PAH: variants seen among roughly 807,000 people sequenced by gnomAD.
PAH encodes phenylalanine-4-hydroxylase.
In PAH, 64 loss-of-function variants were observed where a neutral mutation model predicts 62.0. The observed-to-expected ratio is 1.03, with a 90% CI of 0.84 to 1.27. The LOEUF (loss-of-function observed/expected upper bound fraction) is 1.27, where lower values mean the gene tolerates loss of function less well. Ranked by LOEUF, PAH falls within the 50% of genes most tolerant of loss-of-function variation. PAH has a pLI of 0.00. For synonymous variants in PAH, 195 were observed against 196.2 expected (o/e 0.99, Z 0.05); for missense variants, 579 against 542.8 (o/e 1.07, Z -0.66).
intron 1 of PAH, among the ~76,000 whole-genome samples, chr12:102,945,546 CACAA>C (rs1276398283): frequency 6.6e-6 from 1 of 152,156 alleles, no homozygotes; most frequent in Non-Finnish European, 1.5e-5. Context: ...CTCCCCTTTC[CACAA>C]ACAGAGGGGT....
chr12:102,934,022 A>C (rs1395955921), intron 1 of PAH, among the ~76,000 whole-genome samples: 1 of 152,076 alleles, frequency 6.6e-6, no homozygotes, highest in Non-Finnish European at 1.5e-5. Context: ...TGCCCAGTTC[A>C]ATGTTCTGAA....
chr12:102,917,101 G>C lies in PAH; in HGVS notation c.30C>G (p.Gly10=), dbSNP rs1801145. ...CAAAGTCAGAGAGTTTCCTGCCCAAGCCTGGGTTTTCCAGGACCGCAGTGG... is the reference window on the plus strand; with the variant it reads ...CAAAGTCAGAGAGTTTCCTGCCCAACCCTGGGTTTTCCAGGACCGCAGTGG... The part of the protein sequence containing the change: MSTAVLENP[G]LGRKLSDFGQ... Residue 10 remains glycine (G), a synonymous_variant, in exon 1 of 13, where the codon GGC becomes GGG. Coordinates refer to ENST00000553106, the MANE Select transcript of PAH (RefSeq NM_000277.3). 1.3e-3 allele frequency: 2,022 copies of C among 1,614,200 alleles called. 1 individual carries two copies. The highest frequency in any genetic ancestry group is 1.6e-3 in the Non-Finnish European group (1,858 of 1,180,038).
At chr12:102,909,936 G>A (rs1468754257) in intron 2 of PAH, among the ~76,000 whole-genome samples, 2 of 152,192 alleles carry the variant, frequency 1.3e-5, no homozygotes, top group African/African-American at 4.8e-5. Flanking sequence ...TCCAGCCTGT[G>A]TGACAGAGTA....
intron 2 of PAH, chr12:102,904,789 T>A (rs765545569): frequency 1.2e-5 from 6 of 504,570 alleles, no homozygotes; most frequent in South Asian, 8.7e-5. Context: ...ACAAAGATGT[T>A]GGGAGAGATG....
At chr12:102,845,099 T>C (rs1194125049) in intron 9 of PAH, among the ~76,000 whole-genome samples, 1 of 152,166 alleles carries the variant, frequency 6.6e-6, no homozygotes, top group African/African-American at 2.4e-5. Context: ...CCCAGTGCCA[T>C]GGACAGGATT....
chr12:102,934,795 T>C (rs1879039771), intron 1 of PAH, among the ~76,000 whole-genome samples: 2 of 152,168 alleles, frequency 1.3e-5, no homozygotes, highest in Admixed American at 6.5e-5. Flanking sequence ...TGAATTTGTT[T>C]AGCCAGTTCT....
At chr12:102,845,294 A>C (rs1480041616) in intron 9 of PAH, among the ~76,000 whole-genome samples, 1 of 152,154 alleles carries the variant, frequency 6.6e-6, no homozygotes, top group Non-Finnish European at 1.5e-5. Context: ...TGTTCTCCAT[A>C]TGACAGGAAC....
chr12:102,844,274 C>A (rs559582123), intron 10 of PAH, 62 bp downstream of exon 10: 1 of 1,166,138 alleles, frequency 8.6e-7, no homozygotes. Context: ...ATTGAAAGCA[C>A]AATAATGGTT....
rs1472555960 is a variant in PAH, at chr12:102,837,381, C to T, written c.*1794G>A. 2 of 152,176 alleles carry T rather than the reference C, an allele frequency of 1.3e-5. No individual in the cohort carries two copies. The highest frequency in any genetic ancestry group is 1.3e-4 in the Admixed American group (2 of 15,270). 9.4% of individuals were successfully genotyped at this position (152,176 alleles called of 1,614,324 possible). On this transcript the variant is annotated 3_prime_UTR_variant, in exon 13 of 13. Transcript: ENST00000553106. ...TTATCTAATATTTAAGTTCCAGAGT[C>T]AATAATTAACTTTTCATGTGAAATG... is the stretch of plus-strand genomic sequence containing the variant.
intron 1 of PAH, among the ~76,000 whole-genome samples, chr12:102,922,943 C>T (rs1458184254): frequency 7.2e-5 from 11 of 152,162 alleles, no homozygotes; most frequent in South Asian, 6.2e-4. Context: ...CTCCGTTAAA[C>T]GGTTATGTAT....
intron 2 of PAH, among the ~76,000 whole-genome samples, chr12:102,910,490 C>T (rs1228239534): frequency 1.3e-5 from 2 of 151,844 alleles, no homozygotes; most frequent in Non-Finnish European, 2.9e-5. Flanking sequence ...CCTGCCTTGG[C>T]CTCCCAAATA....
At chr12:102,901,939 T>G (rs1048063831) in intron 2 of PAH, among the ~76,000 whole-genome samples, 3 of 152,198 alleles carry the variant, frequency 2.0e-5, no homozygotes, top group Non-Finnish European at 4.4e-5. Flanking sequence ...GAGCTTTATG[T>G]TCTCAAAGGA....
At chr12:102,868,531 C>T (rs1372956384) in intron 4 of PAH, among the ~76,000 whole-genome samples, 3 of 151,904 alleles carry the variant, frequency 2.0e-5, no homozygotes, top group African/African-American at 7.3e-5. Context: ...TATAACTCTT[C>T]CTTTCCCTAG....
At chr12:102,897,598 T>A (rs577355167) in intron 2 of PAH, among the ~76,000 whole-genome samples, 1 of 152,106 alleles carries the variant, frequency 6.6e-6, no homozygotes, top group African/African-American at 2.4e-5. Flanking sequence ...ATAAATAGTC[T>A]TAGAGTTTTT....
At chr12:102,849,583 A>G (rs968735754) in intron 8 of PAH, among the ~76,000 whole-genome samples, 1 of 152,058 alleles carries the variant, frequency 6.6e-6, no homozygotes, top group Non-Finnish European at 1.5e-5. Flanking sequence ...TCTCTATATC[A>G]CTCCCTGGGC....
intron 5 of PAH, among the ~76,000 whole-genome samples, chr12:102,861,255 G>A (rs1475944283): frequency 2.0e-5 from 3 of 152,186 alleles, no homozygotes; most frequent in Non-Finnish European, 4.4e-5. Context: ...GGCCATCAGA[G>A]AAATGCAAAT....
At chr12:102,852,731 C>T (rs1875210912) in intron 7 of PAH, 84 bp downstream of exon 7, 1 of 1,545,150 alleles carries the variant, frequency 6.5e-7, no homozygotes, top group East Asian at 2.2e-5. Context: ...GACCAGCCAG[C>T]AATGAACCCA....
chr12:102,914,750 C>G (rs1487078200), intron 1 of PAH, among the ~76,000 whole-genome samples: 1 of 152,216 alleles, frequency 6.6e-6, no homozygotes, highest in Non-Finnish European at 1.5e-5. Context: ...TACACATCCA[C>G]AGATGCCACT....
intron 3 of PAH, among the ~76,000 whole-genome samples, chr12:102,888,135 A>G (rs1388328712): frequency 6.6e-6 from 1 of 151,976 alleles, no homozygotes; most frequent in African/African-American, 2.4e-5. Flanking sequence ...GTTTACTTGT[A>G]ACCTTTTGCA....
Sources: allele counts gnomAD v4.1 joint callset (sites outside exome capture counted in the v4.1 genomes callset), GRCh38; gene constraint gnomAD v4.1.1; transcripts MANE v1.5; gene names NCBI Gene and HGNC (gene_info 2026-07-23, HGNC 2026-07-21).